Variants in LAMC3 observed in about 807,000 individuals in gnomAD.
The protein encoded by LAMC3 is laminin subunit gamma 3, also known as laminin subunit gamma-3.
A neutral mutation model predicts 173.8 loss-of-function variants in LAMC3; 128 were observed. The observed-to-expected ratio is 0.74, with a 90% CI of 0.64 to 0.85. LAMC3 has a LOEUF of 0.85. LAMC3 is among the 40% of genes least tolerant of loss of function. The pLI is 0.00. For missense variants in LAMC3, 2,022 were observed against 2,156.0 expected, an observed-to-expected ratio of 0.94 and a Z score of 1.23; for synonymous variants, 897 against 909.1, an observed-to-expected ratio of 0.99 and a Z score of 0.24.
chr9:131,069,127 A>G, intron 16 of LAMC3, 77 bp downstream of exon 16: 1 of 1,510,418 alleles, frequency 6.6e-7, no homozygotes. Context: ...ACTGATGGGG[A>G]AAATGGGCGC....
chr9:131,068,886 C>A, intron 15 of LAMC3, 22 bp from the exon 16 acceptor site: 1 of 1,613,708 alleles, frequency 6.2e-7, no homozygotes, highest in Non-Finnish European at 8.5e-7. Context: ...TGCCTCAGAC[C>A]CAGTTCCTTC....
intron 16 of LAMC3, among the ~76,000 whole-genome samples, chr9:131,069,369 G>T (rs1829999826): frequency 6.6e-6 from 1 of 152,142 alleles, no homozygotes; most frequent in African/African-American, 2.4e-5. Context: ...TGTGTGCCTG[G>T]GGCCATCATG....
rs1231932948 is a variant in LAMC3, at chr9:131,029,557, G to C, written c.679-2488G>C. On this transcript the variant is annotated intron_variant, in intron 2 of 27. Coordinates refer to ENST00000361069, the MANE Select transcript of LAMC3 (RefSeq NM_006059.4). The surrounding 1 kb of genome is among the most constrained non-coding windows in gnomAD (Gnocchi z 4.6). ...TGCTGCTTCTGGACAGAAACCAAGA[G>C]CAGAGCAGGACAAAGAGAGGCAAGT... Among the ~76,000 whole-genome samples the C allele has an allele frequency of 1.3e-5, 2 of 152,250 alleles. No homozygotes were observed. The highest frequency in any genetic ancestry group is 2.9e-5 in the Non-Finnish European group (2 of 68,036).
intron 13 of LAMC3, among the ~76,000 whole-genome samples, chr9:131,066,152 G>T (rs540477312): frequency 1.3e-5 from 2 of 148,174 alleles, no homozygotes; most frequent in East Asian, 4.1e-4. Flanking sequence ...CCGAAATTGC[G>T]CCCCTGCACT....
chr9:131,036,306 C>G lies in LAMC3; in HGVS notation c.950C>G (p.Thr317Ser). 1.9e-6 allele frequency: 3 copies of G among 1,613,230 alleles called. No individual in the cohort carries two copies. The highest frequency in any genetic ancestry group is 2.5e-6 in the Non-Finnish European group (3 of 1,179,886). ...FFQDRPWARGTAEAAHECLPC... is the reference protein window; with the variant it reads ...FFQDRPWARGSAEAAHECLPC... ...CAGGACCGCCCGTGGGCCCGGGGCA[C>G]CGCCGAGGCTGCCCACGAGTGTCTG... The change falls in exon 4 of 28, where the codon ACC (threonine) becomes AGC (serine). Residue 317 changes from threonine (T) to serine (S), a missense_variant. Thr to Ser is a moderately conservative substitution (Grantham distance 58). Coordinates refer to ENST00000361069, the MANE Select transcript of LAMC3 (RefSeq NM_006059.4).
At chr9:131,044,832 T>C (rs1052043180) in intron 7 of LAMC3, among the ~76,000 whole-genome samples, 2 of 152,134 alleles carry the variant, frequency 1.3e-5, no homozygotes, top group Non-Finnish European at 2.9e-5. Flanking sequence ...GAAGCGGTGA[T>C]AGGTTGGAGG....
At position 131,009,784 on chromosome 9, in the gene LAMC3, A is replaced by G. The variant is rs1346938206; in HGVS notation, c.373+197A>G. On this transcript the variant is annotated intron_variant, in intron 1 of 27. Coordinates refer to ENST00000361069, the MANE Select transcript of LAMC3 (RefSeq NM_006059.4). This position sits in a 1 kb window ranked among gnomAD's most constrained non-coding sequence, Gnocchi z 4.3. ...GAAATCCCAGCACTTTGGGAGGCCG[A>G]GATGGGAGGGTCGCTTGAGCCCAGG... 1.3e-5 allele frequency among the ~76,000 whole-genome samples: 2 copies of G among 152,012 alleles called. No individual in the cohort carries two copies. The highest frequency in any genetic ancestry group is 1.3e-4 in the Admixed American group (2 of 15,270).
intron 4 of LAMC3, among the ~76,000 whole-genome samples, chr9:131,037,267 G>A (rs1042174533): frequency 1.3e-5 from 2 of 152,196 alleles, no homozygotes; most frequent in African/African-American, 2.4e-5. Context: ...CCATGGTCAC[G>A]TCTGTCTCTC....
At chr9:131,035,232 G>A (rs1313836809) in intron 3 of LAMC3, among the ~76,000 whole-genome samples, 1 of 152,180 alleles carries the variant, frequency 6.6e-6, no homozygotes, top group African/African-American at 2.4e-5. Flanking sequence ...TTACAGGTGT[G>A]AGCCACCATG....
At chr9:131,089,057 C>T (rs999992128) in intron 27 of LAMC3, among the ~76,000 whole-genome samples, 1 of 151,656 alleles carries the variant, frequency 6.6e-6, no homozygotes, top group Non-Finnish European at 1.5e-5. Flanking sequence ...TGCACTCCAG[C>T]CTGGGTGAGA....
At chr9:131,064,058 C>T (rs558034760) in intron 13 of LAMC3, among the ~76,000 whole-genome samples, 1 of 152,118 alleles carries the variant, frequency 6.6e-6, no homozygotes, top group South Asian at 2.1e-4. Flanking sequence ...CAGGCATGCA[C>T]CACCATGCCC....
chr9:131,028,656 A>G (rs976301741), intron 2 of LAMC3, among the ~76,000 whole-genome samples: 2 of 152,206 alleles, frequency 1.3e-5, no homozygotes, highest in Non-Finnish European at 2.9e-5. Flanking sequence ...ACCGGCTCAC[A>G]TCAGCCAGTG....
At chr9:131,062,205 C>A (rs879308727) in intron 13 of LAMC3, among the ~76,000 whole-genome samples, 2 of 151,262 alleles carry the variant, frequency 1.3e-5, no homozygotes, top group Non-Finnish European at 2.9e-5. Context: ...ACTAAAAATA[C>A]GAAAAATTAG....
intron 27 of LAMC3, among the ~76,000 whole-genome samples, chr9:131,090,640 C>T (rs1588173266): frequency 1.3e-5 from 2 of 152,154 alleles, no homozygotes; most frequent in Middle Eastern, 6.8e-3. Flanking sequence ...CCTGCAATCC[C>T]AGCACTTTGG....
At chr9:131,087,867 C>T in intron 27 of LAMC3, 50 bp downstream of exon 27, 1 of 1,423,990 alleles carries the variant, frequency 7.0e-7, no homozygotes, top group Non-Finnish European at 9.9e-7. Flanking sequence ...CCTGGGGCAC[C>T]TCTAGGATCT....
At chr9:131,036,385 C>CG (rs1833945994) in intron 4 of LAMC3, 53 bp downstream of exon 4, 1 of 1,603,480 alleles carries the variant, frequency 6.2e-7, no homozygotes, top group South Asian at 1.1e-5. Flanking sequence ...GTGTTGCAGG[C>CG]GGGGAAAGGA....
At position 131,093,683 on chromosome 9, in the gene LAMC3, G is replaced by A. The variant is rs985316486; in HGVS notation, c.*1896G>A. On this transcript the variant is annotated 3_prime_UTR_variant, in exon 28 of 28. Transcript: ENST00000361069. ...CCTGGAGTAAAAACGGCTGCCACGTGTTGGAGATAGCCTAGGGAGGGGAGC... is the reference window on the plus strand; with the variant it reads ...CCTGGAGTAAAAACGGCTGCCACGTATTGGAGATAGCCTAGGGAGGGGAGC... 2.0e-5 allele frequency: 3 copies of A among 152,262 alleles called. No homozygotes were observed. The highest frequency in any genetic ancestry group is 6.5e-5 in the Admixed American group (1 of 15,278). The allele number at this position is 152,262 out of a possible 1,614,324, so 9.4% of individuals were successfully genotyped here.
intron 11 of LAMC3, among the ~76,000 whole-genome samples, chr9:131,055,961 G>C (rs1457394670): frequency 6.6e-6 from 1 of 152,046 alleles, no homozygotes; most frequent in Non-Finnish European, 1.5e-5. Context: ...ACTTTGGGAG[G>C]CTGAGACAGG....
In LAMC3 at chr9:131,092,103, C is replaced by G. The variant is rs1001814571; in HGVS notation, c.*316C>G. On this transcript the variant is annotated 3_prime_UTR_variant, in exon 28 of 28. Transcript: ENST00000361069. ...TCTGTGTGTATGACCCACACGTGTTCAAGTCTAATCCATCCAGTCAGCAGC... is the reference window on the plus strand; with the variant it reads ...TCTGTGTGTATGACCCACACGTGTTGAAGTCTAATCCATCCAGTCAGCAGC... 4.6e-6 allele frequency: 2 copies of G among 439,420 alleles called. No individual in the cohort carries two copies. Among genetic ancestry groups the G allele is most frequent in the Non-Finnish European group, 8.5e-6 (2 of 236,274 alleles). 27.2% of individuals were successfully genotyped at this position (439,420 alleles called of 1,614,324 possible). A position where few individuals can be genotyped will look rare whatever the true frequency, so the allele number is the denominator to read the frequency against.
Sources: gnomAD v4.1 joint callset for allele counts (sites outside exome capture counted in the v4.1 genomes callset) on GRCh38, gnomAD v4.1.1 for gene constraint, Gnocchi (gnomAD v3.1) non-coding constraint, MANE v1.5 for transcripts, NCBI Gene and HGNC (gene_info 2026-07-23, HGNC 2026-07-21) for gene names.